Variants in MDGA2 observed in about 807,000 individuals in gnomAD.
MDGA2 encodes MAM domain-containing glycosylphosphatidylinositol anchor protein 2.
MDGA2 carries 40 observed loss-of-function variants against 117.8 expected under a neutral mutation model. The ratio of observed to expected loss-of-function variants is 0.34; its 90% CI spans 0.26 to 0.44. The LOEUF is 0.44. MDGA2 is among the 20% of genes least tolerant of loss of function. The pLI, the probability that MDGA2 is intolerant of heterozygous loss-of-function variation, is 1.00. For missense variants in MDGA2, 1,123 were observed against 1,250.6 expected (o/e 0.90, Z 1.54); for synonymous variants, 452 against 439.0 (o/e 1.03, Z -0.37).
chr14:46,841,023 T>C lies in MDGA2; in HGVS notation c.*908A>G, dbSNP rs1880587655. 6.6e-6 allele frequency: 1 copy of C among 152,620 alleles called. No homozygotes were observed. Among genetic ancestry groups the C allele is most frequent in the Non-Finnish European group, 1.5e-5 (1 of 68,022 alleles). The allele number at this position is 152,620 out of a possible 1,614,324, so 9.5% of individuals were successfully genotyped here. A position where few individuals can be genotyped will look rare whatever the true frequency, so the allele number is the denominator to read the frequency against. ...CTGTAATTTGCACATTTAGGCTCTG[T>C]AGTTTGTTTATAAAATAGTTTTACA... On this transcript the variant is annotated 3_prime_UTR_variant, in exon 17 of 17. Coordinates refer to ENST00000399232, the MANE Select transcript of MDGA2 (RefSeq NM_001113498.3).
intron 3 of MDGA2, among the ~76,000 whole-genome samples, chr14:47,197,874 A>T (rs1221632322): frequency 6.6e-6 from 1 of 152,010 alleles, no homozygotes; most frequent in Non-Finnish European, 1.5e-5. Context: ...GCACCACTGC[A>T]CTCCTGCCTG....
intron 1 of MDGA2, among the ~76,000 whole-genome samples, chr14:47,469,364 C>A (rs1326331848): frequency 6.6e-6 from 1 of 152,074 alleles, no homozygotes; most frequent in Non-Finnish European, 1.5e-5. Context: ...ACCATGTGTT[C>A]TCATTGTTCA....
Position 47,352,758 on chromosome 14 carries a change from CT to C in MDGA2, c.281-51209del, listed in dbSNP as rs373631357. ...CAATATCTCCCATTTTGTCATTAAT[CT>C]TTTTTTTGTGGTGATTATTTCGAGA... is the stretch of plus-strand genomic sequence containing the variant. On this transcript the variant is annotated intron_variant, in intron 1 of 16. Coordinates refer to ENST00000399232, the MANE Select transcript of MDGA2 (RefSeq NM_001113498.3). Among the ~76,000 whole-genome samples, 90 of 152,064 alleles carry C rather than the reference CT, an allele frequency of 5.9e-4. 1 individual carries two copies. The East Asian group carries it at 0.011, about 19-fold the overall frequency.
intron 1 of MDGA2, among the ~76,000 whole-genome samples, chr14:47,433,712 C>A (rs1200616130): frequency 6.6e-6 from 1 of 152,132 alleles, no homozygotes; most frequent in Non-Finnish European, 1.5e-5. Flanking sequence ...AAGCTGTAGA[C>A]TTCAATTTGG....
chr14:46,885,194 A>C (rs1206652499), intron 10 of MDGA2, among the ~76,000 whole-genome samples: 4 of 152,074 alleles, frequency 2.6e-5, no homozygotes, highest in African/African-American at 9.7e-5. Context: ...ATCATGAAGA[A>C]AAAGATTGAG....
chr14:47,419,097 A>G (rs892176388), intron 1 of MDGA2, among the ~76,000 whole-genome samples: 1 of 152,192 alleles, frequency 6.6e-6, no homozygotes, highest in African/African-American at 2.4e-5. Flanking sequence ...TCACACTGTT[A>G]TATCAGTTAT....
chr14:47,330,384 G>A (rs1373655692), intron 1 of MDGA2, among the ~76,000 whole-genome samples: 5 of 151,706 alleles, frequency 3.3e-5, no homozygotes, highest in African/African-American at 4.8e-5. Context: ...AAATAACTGG[G>A]ATATACAAAG....
At chr14:47,519,775 T>C (rs558676752) in intron 1 of MDGA2, among the ~76,000 whole-genome samples, 2 of 152,264 alleles carry the variant, frequency 1.3e-5, no homozygotes, top group South Asian at 4.1e-4. Flanking sequence ...TAAGCTATAA[T>C]TTGTGAGATA....
chr14:47,411,282 C>G (rs1203236703), intron 1 of MDGA2, among the ~76,000 whole-genome samples: 32 of 151,842 alleles, frequency 2.1e-4, no homozygotes, highest in Non-Finnish European at 4.0e-4. Flanking sequence ...AAAAAAACTC[C>G]CAAGCTTTCA....
intron 1 of MDGA2, among the ~76,000 whole-genome samples, chr14:47,359,699 C>A (rs1280458569): frequency 1.6e-5 from 2 of 126,412 alleles, no homozygotes; most frequent in Non-Finnish European, 3.1e-5. Context: ...TGCAGTGAGC[C>A]AAGATTGCGC....
At chr14:47,230,592 A>C (rs1003285485) in intron 2 of MDGA2, among the ~76,000 whole-genome samples, 1 of 151,952 alleles carries the variant, frequency 6.6e-6, no homozygotes, top group African/African-American at 2.4e-5. Flanking sequence ...CTTATGGACA[A>C]ATTTTTACCT....
intron 1 of MDGA2, among the ~76,000 whole-genome samples, chr14:47,557,729 A>G (rs764571072): frequency 3.3e-5 from 5 of 152,234 alleles, no homozygotes; most frequent in Admixed American, 6.5e-5. Flanking sequence ...CACTATAGAT[A>G]TAATGTGAAT....
At chr14:47,095,476 C>T (rs998400888) in intron 6 of MDGA2, among the ~76,000 whole-genome samples, 8 of 151,698 alleles carry the variant, frequency 5.3e-5, no homozygotes, top group African/African-American at 1.7e-4. Flanking sequence ...CCTTTTTATG[C>T]AGGCCAATAA....
intron 8 of MDGA2, among the ~76,000 whole-genome samples, chr14:46,982,060 C>G (rs1886692121): frequency 6.6e-6 from 1 of 152,168 alleles, no homozygotes; most frequent in African/African-American, 2.4e-5. Context: ...AGTATTTGAG[C>G]ATCACCTAAA....
intron 15 of MDGA2, among the ~76,000 whole-genome samples, chr14:46,853,670 A>T (rs1294490796): frequency 6.6e-6 from 1 of 151,760 alleles, no homozygotes; most frequent in Non-Finnish European, 1.5e-5. Flanking sequence ...CTTTCAAAAA[A>T]TGTGTGGTAT....
chr14:47,473,588 C>A (rs771442271), intron 1 of MDGA2, among the ~76,000 whole-genome samples: 9 of 151,598 alleles, frequency 5.9e-5, no homozygotes, highest in Non-Finnish European at 1.3e-4. Context: ...AAGCAAAAGA[C>A]GGGGACTGCA....
intron 8 of MDGA2, among the ~76,000 whole-genome samples, chr14:47,017,170 CA>C (rs1566576278): frequency 1.3e-5 from 2 of 151,386 alleles, no homozygotes; most frequent in Non-Finnish European, 3.0e-5. Context: ...CAAAGGAAAA[CA>C]TTTTCCTGAC....
chr14:47,108,639 G>A (rs926994927), intron 5 of MDGA2, among the ~76,000 whole-genome samples: 2 of 151,632 alleles, frequency 1.3e-5, no homozygotes, highest in Non-Finnish European at 2.9e-5. Flanking sequence ...CCTATAAAAC[G>A]GCCCCACCCT....
intron 1 of MDGA2, among the ~76,000 whole-genome samples, chr14:47,310,309 T>C (rs1889594295): frequency 1.3e-5 from 2 of 152,120 alleles, no homozygotes. Context: ...CTGACAAGTA[T>C]GCCAGAGAAG....
Sources: allele counts gnomAD v4.1 joint callset (sites outside exome capture counted in the v4.1 genomes callset), GRCh38; gene constraint gnomAD v4.1.1; transcripts MANE v1.5; gene names NCBI Gene and HGNC (gene_info 2026-07-23, HGNC 2026-07-21).